ATP11A: variants seen among roughly 807,000 people sequenced by gnomAD.
ATP11A encodes the protein ATPase phospholipid transporting 11A.
Under a neutral mutation model 154.4 loss-of-function variants are expected in ATP11A, and 81 were observed. The ratio of observed to expected loss-of-function variants is 0.52; its 90% CI spans 0.44 to 0.63. ATP11A has a LOEUF of 0.63. ATP11A is among the 30% of genes least tolerant of loss of function. The probability of loss-of-function intolerance (pLI) is 0.00; values close to 1 mark genes in which losing one functional copy is unlikely to be tolerated. For missense variants in ATP11A, 1,316 were observed against 1,474.3 expected (o/e 0.89, Z 1.76); for synonymous variants, 623 against 585.9 (o/e 1.06, Z -0.91).
At chr13:112,781,912 C>A (rs1441355783) in intron 1 of ATP11A, among the ~76,000 whole-genome samples, 1 of 152,126 alleles carries the variant, frequency 6.6e-6, no homozygotes, top group Admixed American at 6.6e-5. Flanking sequence ...TGGGTGAGGC[C>A]GTCTAAGTGA....
intron 1 of ATP11A, among the ~76,000 whole-genome samples, chr13:112,695,801 G>C (rs1032777969): frequency 6.6e-6 from 1 of 151,896 alleles, no homozygotes; most frequent in Non-Finnish European, 1.5e-5. Context: ...ATAGAAACAG[G>C]GTTAATAAAA....
At position 112,856,027 on chromosome 13, in the gene ATP11A, T is replaced by C. The variant is rs761122284; in HGVS notation, c.2360T>C (p.Ile787Thr). 3.1e-6 allele frequency: 5 copies of C among 1,614,140 alleles called. No individual in the cohort carries two copies. The Admixed American group carries it at 8.3e-5, about 27-fold the overall frequency. The change falls in exon 20 of 30, where the codon ATC becomes ACC. Residue 787 changes from isoleucine (I) to threonine (T), a missense_variant. Coordinates refer to ENST00000375645, the MANE Select transcript of ATP11A (RefSeq NM_015205.3). ...SGNYRELFLE[I>T]CRSCSAVLCC... is the part of the protein sequence containing the mutation. ...AACTACAGGGAGCTCTTCCTGGAAATCTGCCGGAGCTGCAGCGCGGTGCTC... is the reference window on the plus strand; with the variant it reads ...AACTACAGGGAGCTCTTCCTGGAAACCTGCCGGAGCTGCAGCGCGGTGCTC...
intron 25 of ATP11A, among the ~76,000 whole-genome samples, chr13:112,865,844 C>T (rs886618910): frequency 6.6e-6 from 1 of 152,280 alleles, no homozygotes. Flanking sequence ...AGCCACCATG[C>T]ACGGCCAGCC....
intron 1 of ATP11A, among the ~76,000 whole-genome samples, chr13:112,742,947 T>A (rs1348920912): frequency 6.6e-6 from 1 of 152,206 alleles, no homozygotes; most frequent in African/African-American, 2.4e-5. Flanking sequence ...CACTCAAGAA[T>A]TTCCTAGATG....
intron 15 of ATP11A, among the ~76,000 whole-genome samples, chr13:112,835,572 G>A (rs1650787610): frequency 6.6e-6 from 1 of 152,146 alleles, no homozygotes; most frequent in Non-Finnish European, 1.5e-5. Flanking sequence ...CCCCATCAGG[G>A]CTCTGCCAAG....
intron 16 of ATP11A, among the ~76,000 whole-genome samples, chr13:112,840,156 C>T (rs2079358453): frequency 2.6e-5 from 3 of 115,694 alleles, no homozygotes; most frequent in Non-Finnish European, 3.9e-5. Context: ...CTCAGCCTCC[C>T]CACTCTCCCA....
At chr13:112,870,998 T>G (rs1333209966) in intron 25 of ATP11A, among the ~76,000 whole-genome samples, 2 of 152,212 alleles carry the variant, frequency 1.3e-5, no homozygotes. Context: ...CACGGCCACC[T>G]GGGCACCACT....
chr13:112,742,754 G>A (rs1038783482), intron 1 of ATP11A, among the ~76,000 whole-genome samples: 1 of 152,188 alleles, frequency 6.6e-6, no homozygotes, highest in African/African-American at 2.4e-5. Flanking sequence ...CTGGATCTCA[G>A]GGGGCTCGGA....
chr13:112,709,881 T>G (rs1355178520), intron 1 of ATP11A, among the ~76,000 whole-genome samples: 6 of 152,294 alleles, frequency 3.9e-5, no homozygotes, highest in Admixed American at 3.9e-4. Flanking sequence ...TGTTGTCAAC[T>G]GTCTGCAAAT....
In ATP11A at chr13:112,807,174, C is replaced by T. The variant is rs555966242; in HGVS notation, c.333+881C>T. ...GCATGGCGAGGGAGGCACCACGGGC[C>T]GCCGGCAGGAGCGTGGCGGAGCCAC... is the stretch of plus-strand genomic sequence containing the variant. On this transcript the variant is annotated intron_variant, in intron 4 of 29. Transcript: ENST00000375645. The surrounding 1 kb of genome is among the most constrained non-coding windows in gnomAD (Gnocchi z 4.5). Among the ~76,000 whole-genome samples, 185 of 152,316 alleles carry T rather than the reference C, an allele frequency of 1.2e-3. No individual in the cohort carries two copies. The highest frequency in any genetic ancestry group is 2.0e-3 in the Non-Finnish European group (139 of 68,032).
At chr13:112,826,177 A>T (rs1196680720) in intron 11 of ATP11A, among the ~76,000 whole-genome samples, 1 of 152,214 alleles carries the variant, frequency 6.6e-6, no homozygotes, top group Non-Finnish European at 1.5e-5. Flanking sequence ...GGCCGTGTGC[A>T]AACCCAGACC....
At position 112,883,094 on chromosome 13, in the gene ATP11A, G is replaced by A. The variant is rs2080921062; in HGVS notation, c.*1228G>A. On this transcript the variant is annotated 3_prime_UTR_variant, in exon 30 of 30. Coordinates refer to ENST00000375645, the MANE Select transcript of ATP11A (RefSeq NM_015205.3). ...CCTCGTCCTCATGTCCCCTTGTCCT[G>A]TCACCTCGTCCCCACGTCCCCTCGT... 3.0e-6 allele frequency: 1 copy of A among 330,568 alleles called. No homozygotes were observed. Among genetic ancestry groups the A allele is most frequent in the Admixed American group, 6.3e-5 (1 of 15,938 alleles). 20.5% of individuals were successfully genotyped at this position (330,568 alleles called of 1,614,324 possible).
At chr13:112,760,484 A>G (rs426765) in intron 1 of ATP11A, among the ~76,000 whole-genome samples, 1 of 152,076 alleles carries the variant, frequency 6.6e-6, no homozygotes, top group Non-Finnish European at 1.5e-5. Context: ...TCAAATGATA[A>G]CAACATGATT....
rs368872404 is a variant in ATP11A, at chr13:112,831,856, C to T, written c.1395+308C>T. ...ACATGCAAACACATGCACTCACACACGCCCAGATACTGTGTGCACACACAC... is the reference window on the plus strand; with the variant it reads ...ACATGCAAACACATGCACTCACACATGCCCAGATACTGTGTGCACACACAC... On this transcript the variant is annotated intron_variant, in intron 13 of 29. Coordinates refer to ENST00000375645, the MANE Select transcript of ATP11A (RefSeq NM_015205.3). 2.2e-4 allele frequency among the ~76,000 whole-genome samples: 33 copies of T among 152,222 alleles called. No individual in the cohort carries two copies. In the East Asian group the frequency reaches 2.3e-3, roughly 11 times the overall value.
At chr13:112,810,426 G>A (rs755829306) in intron 4 of ATP11A, among the ~76,000 whole-genome samples, 193 bp from the exon 5 acceptor site, 17 of 152,344 alleles carry the variant, frequency 1.1e-4, no homozygotes, top group East Asian at 9.6e-4. Context: ...AAAGCAGCTC[G>A]CGTTGCCATG....
Position 112,785,249 on chromosome 13 carries a change from T to C in ATP11A, c.154T>C (p.Ser52Pro). 2 of 1,519,938 alleles carry C rather than the reference T, an allele frequency of 1.3e-6. No individual in the cohort carries two copies. The highest frequency in any genetic ancestry group is 1.3e-5 in the South Asian group (1 of 77,640). The allele number at this position is 1,519,938 out of a possible 1,614,324, so 94.2% of individuals were successfully genotyped here. A position where few individuals can be genotyped will look rare whatever the true frequency, so the allele number is the denominator to read the frequency against. The change falls in exon 2 of 30, where the codon TCG becomes CCG. Residue 52 changes from serine to proline, a missense_variant. Coordinates refer to ENST00000375645, the MANE Select transcript of ATP11A (RefSeq NM_015205.3). The surrounding 1 kb of genome is among the most constrained non-coding windows in gnomAD (Gnocchi z 4.8). Reference protein sequence around the residue: ...PQRYPDNRIVSSKYTFWNFIP... With the variant: ...PQRYPDNRIVPSKYTFWNFIP... ...GAGATACCCAGACAACAGGATCGTC[T>C]CGTCCAAGGTAACTTGGCTTGGGTC...
chr13:112,881,453 G>C (rs549562533), intron 29 of ATP11A: 1 of 1,070,156 alleles, frequency 9.3e-7, no homozygotes, highest in African/African-American at 1.7e-5. Context: ...CCGGTATGGC[G>C]TTCGAGCTCA....
At chr13:112,874,349 G>A (rs1454288922) in intron 27 of ATP11A, among the ~76,000 whole-genome samples, 9 of 152,254 alleles carry the variant, frequency 5.9e-5, no homozygotes, top group African/African-American at 2.2e-4. Flanking sequence ...CTGGCTCGAG[G>A]CTGTCGTGGT....
chr13:112,803,864 TCCTTGCTTC>T (rs2078219620), intron 2 of ATP11A, among the ~76,000 whole-genome samples: 3 of 73,990 alleles, frequency 4.1e-5, no homozygotes, highest in Non-Finnish European at 8.2e-5. Flanking sequence ...CTCCTTTTCC[TCCTTGCTTC>T]CCTTCCTTCC....
Sources: allele counts gnomAD v4.1 joint callset (sites outside exome capture counted in the v4.1 genomes callset), GRCh38; gene constraint gnomAD v4.1.1; non-coding constraint Gnocchi (gnomAD v3.1); transcripts MANE v1.5; gene names NCBI Gene and HGNC (gene_info 2026-07-23, HGNC 2026-07-21).